MMP26: variants seen among roughly 807,000 people sequenced by gnomAD.
MMP26 encodes the protein matrix metalloproteinase-26.
MMP26 carries 33 observed loss-of-function variants against 31.0 expected under a neutral mutation model. That is an observed-to-expected ratio of 1.06 (90% CI 0.81 to 1.42). The LOEUF is 1.42. Among genes scored for constraint, MMP26 ranks in the 40% most tolerant of loss-of-function variants. The pLI is 0.00. For synonymous variants in MMP26, 122 were observed against 114.9 expected (o/e 1.06, Z -0.40); for missense variants, 347 against 316.1 (o/e 1.10, Z -0.74).
At chr11:4,989,975 C>A (rs1437200819) in intron 4 of MMP26, 107 bp downstream of exon 4, 3 of 889,212 alleles carry the variant, frequency 3.4e-6, no homozygotes, top group Non-Finnish European at 5.1e-6. Flanking sequence ...CTTTCATTGG[C>A]AGCCCGCTCA....
In MMP26 at chr11:4,780,279, G is replaced by A. The variant is rs1848841153; in HGVS notation, c.-145+12938G>A. The stretch of plus-strand genomic sequence containing the variant: ...ACATGACCAAAAAGGTTTTTGTAAG[G>A]ATATAGCAAACAACCCTCCCACAAG... On this transcript the variant is annotated intron_variant, in intron 2 of 7. Coordinates refer to ENST00000380390, the MANE Select transcript of MMP26 (RefSeq NM_021801.5). Among the ~76,000 whole-genome samples, 6 of 152,024 alleles carry A rather than the reference G, an allele frequency of 3.9e-5. No individual in the cohort carries two copies. The South Asian group carries it at 1.2e-3, about 32-fold the overall frequency.
intron 2 of MMP26, among the ~76,000 whole-genome samples, chr11:4,961,816 G>A (rs117232725): frequency 1.9e-3 from 282 of 152,184 alleles, no homozygotes; most frequent in Non-Finnish European, 3.2e-3. Flanking sequence ...TATGGTATTC[G>A]GGATTGTATC....
intron 2 of MMP26, among the ~76,000 whole-genome samples, chr11:4,818,372 CAT>C (rs1192493421): frequency 2.0e-5 from 3 of 149,788 alleles, no homozygotes; most frequent in Non-Finnish European, 4.5e-5. Context: ...CGTCATCAAA[CAT>C]ATTATCATAA....
rs1849675884 is a variant in MMP26, at chr11:4,833,617, G to A, written c.-145+66276G>A. ...TGTTAAAATTGCTGCAGAATCTCATGTCCTGCTGCAAGCCTGTTGAGCTGA... is the reference window on the plus strand; with the variant it reads ...TGTTAAAATTGCTGCAGAATCTCATATCCTGCTGCAAGCCTGTTGAGCTGA... On this transcript the variant is annotated intron_variant, in intron 2 of 7. Coordinates refer to ENST00000380390, the MANE Select transcript of MMP26 (RefSeq NM_021801.5). Among the ~76,000 whole-genome samples the A allele has an allele frequency of 2.0e-5, 3 of 152,284 alleles. No individual in the cohort carries two copies. In the South Asian group the frequency reaches 6.2e-4, roughly 32 times the overall value.
intron 2 of MMP26, among the ~76,000 whole-genome samples, chr11:4,939,275 T>C (rs1029850841): frequency 3.3e-5 from 5 of 152,220 alleles, no homozygotes; most frequent in East Asian, 3.9e-4. Flanking sequence ...TGGAATATCA[T>C]TTACCAAAGT....
At chr11:4,823,530 T>G (rs1300151390) in intron 2 of MMP26, among the ~76,000 whole-genome samples, 1 of 152,154 alleles carries the variant, frequency 6.6e-6, no homozygotes, top group Non-Finnish European at 1.5e-5. Flanking sequence ...CATCAACTTG[T>G]CTACCAGTCT....
chr11:4,824,394 T>C (rs1303591472), intron 2 of MMP26, among the ~76,000 whole-genome samples: 2 of 152,098 alleles, frequency 1.3e-5, no homozygotes, highest in African/African-American at 4.8e-5. Context: ...CTATAAAAAT[T>C]ATACACACTT....
rs1453071976 is a variant in MMP26, at chr11:4,978,434, G to A, written c.-144-9634G>A. Among the ~76,000 whole-genome samples, 7 of 152,070 alleles carry A rather than the reference G, an allele frequency of 4.6e-5. No homozygotes were observed. In the East Asian group the frequency reaches 1.4e-3, roughly 29 times the overall value. On this transcript the variant is annotated intron_variant, in intron 2 of 7. Coordinates refer to ENST00000380390, the MANE Select transcript of MMP26 (RefSeq NM_021801.5). ...TACTGGTATCTTAGAATGACATGATGCCATCTCTAATAGTTTAATAAAATT... is the reference window on the plus strand; with the variant it reads ...TACTGGTATCTTAGAATGACATGATACCATCTCTAATAGTTTAATAAAATT...
intron 2 of MMP26, chr11:4,915,341 A>G: frequency 6.2e-7 from 1 of 1,614,020 alleles, no homozygotes; most frequent in Non-Finnish European, 8.5e-7. Flanking sequence ...GCAGTGAATG[A>G]AAAAGAGCTG....
intron 2 of MMP26, among the ~76,000 whole-genome samples, chr11:4,984,269 G>A (rs1846855387): frequency 6.6e-6 from 1 of 152,102 alleles, no homozygotes; most frequent in Admixed American, 6.6e-5. Context: ...TTTGAGCATT[G>A]TGACCCCCCA....
At chr11:4,974,964 T>A (rs1846716810) in intron 2 of MMP26, among the ~76,000 whole-genome samples, 1 of 151,064 alleles carries the variant, frequency 6.6e-6, no homozygotes, top group Admixed American at 6.6e-5. Context: ...GGGGTTGAGG[T>A]GGGGGGAGGG....
At chr11:4,717,587 G>C (rs1298436893) in intron 1 of MMP26, among the ~76,000 whole-genome samples, 1 of 151,850 alleles carries the variant, frequency 6.6e-6, no homozygotes. Context: ...GTGGGGGTTG[G>C]GGATAGATTT....
intron 2 of MMP26, among the ~76,000 whole-genome samples, chr11:4,861,194 A>G (rs1447135198): frequency 2.0e-5 from 3 of 150,288 alleles, no homozygotes; most frequent in Non-Finnish European, 4.4e-5. Flanking sequence ...AAGTATATAC[A>G]TATAGATACA....
rs1344292828 is a variant in MMP26 at position 4,989,636 on chromosome 11, G to A, written c.100-12G>A. On this transcript the variant is annotated splice_polypyrimidine_tract_variant and intron_variant, in intron 3 of 7. Transcript: ENST00000380390. ...TTGACTCTTAGTACTCATCCTTCTT[G>A]ATCTGATTCAGGGCTATTTCCATCA... 6 of 1,605,004 alleles carry A rather than the reference G, an allele frequency of 3.7e-6. No individual in the cohort carries two copies. Among genetic ancestry groups the A allele is most frequent in the African/African-American group, 1.3e-5 (1 of 74,874 alleles).
intron 2 of MMP26, among the ~76,000 whole-genome samples, chr11:4,865,718 C>G (rs1429419784): frequency 6.6e-6 from 1 of 151,942 alleles, no homozygotes; most frequent in Non-Finnish European, 1.5e-5. Flanking sequence ...AGTTGTGCTG[C>G]CAGACAATGC....
intron 2 of MMP26, among the ~76,000 whole-genome samples, chr11:4,979,050 T>A (rs1846778288): frequency 6.6e-6 from 1 of 152,034 alleles, no homozygotes; most frequent in Admixed American, 6.6e-5. Flanking sequence ...TCACAAAATA[T>A]AGAATTTAAT....
chr11:4,871,644 G>C (rs1440861794), intron 2 of MMP26: 3 of 152,218 alleles, frequency 2.0e-5, no homozygotes, highest in African/African-American at 4.8e-5. Flanking sequence ...AATCACTCCA[G>C]GGGAAATTCT....
chr11:4,947,251 A>G (rs1846326340), intron 2 of MMP26: 1 of 457,814 alleles, frequency 2.2e-6, no homozygotes, highest in Non-Finnish European at 3.7e-6. Flanking sequence ...TGTGGCTATC[A>G]TCATGAAGAG....
intron 2 of MMP26, among the ~76,000 whole-genome samples, chr11:4,963,374 G>GA (rs1320309451): frequency 1.3e-5 from 2 of 152,102 alleles, no homozygotes; most frequent in African/African-American, 4.8e-5. Flanking sequence ...CACAGAGTTA[G>GA]AAAAAACTAC....
Sources: gnomAD v4.1 joint callset for allele counts (sites outside exome capture counted in the v4.1 genomes callset) on GRCh38, gnomAD v4.1.1 for gene constraint, MANE v1.5 for transcripts, NCBI Gene and HGNC (gene_info 2026-07-23, HGNC 2026-07-21) for gene names.